TENM3: variants seen among roughly 807,000 people sequenced by gnomAD.
TENM3 encodes teneurin-3.
In TENM3, 63 loss-of-function variants were observed where a neutral mutation model predicts 255.1. The observed-to-expected ratio is 0.25, with a 90% CI of 0.20 to 0.30. The LOEUF is 0.30. Among genes scored for constraint, TENM3 ranks in the 10% least tolerant of loss-of-function variants. The pLI is 1.00. For missense variants in TENM3, 2,929 were observed against 3,461.1 expected (o/e 0.85, Z 3.86); for synonymous variants, 1,306 against 1,322.3 (o/e 0.99, Z 0.27).
chr4:182,250,054 C>CTTTTTTTTTTTTTTTTTT (rs957483629), intron 1 of TENM3, among the ~76,000 whole-genome samples: 19 of 128,402 alleles, frequency 1.5e-4, no homozygotes, highest in Non-Finnish European at 2.5e-4. Flanking sequence ...TTTCTTTTTT[C>CTTTTTTTTTTTTTTTTTT]TTTTTTTTTT....
the TENM3 span, among the ~76,000 whole-genome samples, chr4:181,472,122 T>C: frequency 6.6e-6 from 1 of 152,148 alleles, no homozygotes; most frequent in African/African-American, 2.4e-5. Flanking sequence ...TGCCATATTT[T>C]GGGGTGTCAT....
chr4:182,048,337 A>G, the TENM3 span, among the ~76,000 whole-genome samples: 2 of 152,188 alleles, frequency 1.3e-5, no homozygotes, highest in Non-Finnish European at 2.9e-5. Context: ...ATAGATTACT[A>G]TCTACTTCCA....
At chr4:182,161,771 ATATATATATACACAAATATATG>A (rs1416261974) in intron 1 of TENM3, among the ~76,000 whole-genome samples, 1 of 3,138 alleles carries the variant, frequency 3.2e-4, no homozygotes, top group African/African-American at 1.4e-3. Flanking sequence ...ATATATGTGT[ATATATATATACACAAATATATG>A]TATATATATA....
At position 182,731,109 on chromosome 4, in the gene TENM3, T is replaced by A; in HGVS notation, c.2937T>A (p.Pro979=). Residue 979 remains proline (P), a synonymous_variant, in exon 16 of 28, where the codon CCT becomes CCA. Transcript: ENST00000511685. ...TATCCACCTTTTTCAGATCTTCTCCTGAAGACAGTCCCATCATTCCCGAAA... is the reference window on the plus strand; with the variant it reads ...TATCCACCTTTTTCAGATCTTCTCCAGAAGACAGTCCCATCATTCCCGAAA... The part of the protein sequence containing the change: ...SPLSTFFRSS[P]EDSPIIPETQ... The A allele has an allele frequency of 6.2e-7, 1 of 1,613,922 alleles. No homozygotes were observed.
chr4:181,669,521 T>C, the TENM3 span, among the ~76,000 whole-genome samples: 5 of 152,162 alleles, frequency 3.3e-5, no homozygotes, highest in Non-Finnish European at 7.3e-5. Flanking sequence ...CTAGATATAA[T>C]GGAGAAGCTG....
chr4:182,480,136 A>T (rs1734053449), intron 3 of TENM3, among the ~76,000 whole-genome samples: 1 of 152,008 alleles, frequency 6.6e-6, no homozygotes, highest in African/African-American at 2.4e-5. Flanking sequence ...TAGAATTTTA[A>T]AAGTGGTTTT....
chr4:182,644,585 TCTCTCA>T (rs971606126), intron 5 of TENM3, among the ~76,000 whole-genome samples: 4 of 152,148 alleles, frequency 2.6e-5, no homozygotes, highest in Non-Finnish European at 4.4e-5. Flanking sequence ...TGCTGTAATT[TCTCTCA>T]CTTTAATGGT....
chr4:182,662,868 C>T (rs1754345628), intron 6 of TENM3, among the ~76,000 whole-genome samples: 1 of 152,216 alleles, frequency 6.6e-6, no homozygotes, highest in South Asian at 2.1e-4. Flanking sequence ...GGAATGAACA[C>T]ACTTGACTTG....
intron 3 of TENM3, among the ~76,000 whole-genome samples, chr4:182,581,308 C>A (rs1311862835): frequency 1.3e-5 from 2 of 152,108 alleles, no homozygotes; most frequent in Admixed American, 1.3e-4. Flanking sequence ...TCTTTATAAA[C>A]CAGAAGTCCA....
At chr4:181,762,999 ATGAT>A in the TENM3 span, among the ~76,000 whole-genome samples, 1 of 152,222 alleles carries the variant, frequency 6.6e-6, no homozygotes, top group Non-Finnish European at 1.5e-5. Context: ...ATGGAAAAAT[ATGAT>A]TGAAACCTTG....
At chr4:181,684,057 TC>T in the TENM3 span, among the ~76,000 whole-genome samples, 2 of 152,194 alleles carry the variant, frequency 1.3e-5, no homozygotes, top group Non-Finnish European at 2.9e-5. Flanking sequence ...GGCTCTGGGA[TC>T]ACTTGAGGCA....
chr4:182,253,631 G>T (rs191214062), intron 1 of TENM3, among the ~76,000 whole-genome samples: 1 of 152,214 alleles, frequency 6.6e-6, no homozygotes, highest in East Asian at 1.9e-4. Flanking sequence ...GCTTCTCCTT[G>T]TAATATTTGT....
chr4:182,610,855 C>A (rs545618004), intron 4 of TENM3, among the ~76,000 whole-genome samples: 4 of 151,570 alleles, frequency 2.6e-5, no homozygotes, highest in African/African-American at 9.7e-5. Flanking sequence ...GCAATCCTCC[C>A]GCCTCAGCCT....
At chr4:182,337,865 C>T (rs1253378455) in intron 2 of TENM3, among the ~76,000 whole-genome samples, 1 of 152,104 alleles carries the variant, frequency 6.6e-6, no homozygotes, top group Non-Finnish European at 1.5e-5. Flanking sequence ...ATCCACTGAG[C>T]AAAAGGATCC....
At chr4:182,040,357 T>G in the TENM3 span, among the ~76,000 whole-genome samples, 1 of 152,108 alleles carries the variant, frequency 6.6e-6, no homozygotes, top group Non-Finnish European at 1.5e-5. Flanking sequence ...TTGAACACAG[T>G]CCGGTTTCCA....
At chr4:181,824,372 A>C in the TENM3 span, among the ~76,000 whole-genome samples, 2 of 151,760 alleles carry the variant, frequency 1.3e-5, no homozygotes, top group Non-Finnish European at 2.9e-5. Flanking sequence ...AATTGTTGGG[A>C]TTATAGGCTT....
intron 1 of TENM3, among the ~76,000 whole-genome samples, chr4:182,273,679 G>A (rs1183064976): frequency 6.6e-6 from 1 of 152,090 alleles, no homozygotes; most frequent in Non-Finnish European, 1.5e-5. Flanking sequence ...GAAAAATCAG[G>A]ACAAAAACAC....
At chr4:181,740,598 G>GA in the TENM3 span, among the ~76,000 whole-genome samples, 1 of 150,596 alleles carries the variant, frequency 6.6e-6, no homozygotes, top group Non-Finnish European at 1.5e-5. Flanking sequence ...AAAACCAAAG[G>GA]AAAAAATACC....
the TENM3 span, among the ~76,000 whole-genome samples, chr4:181,740,545 A>C: frequency 1.3e-5 from 2 of 152,150 alleles, no homozygotes; most frequent in Non-Finnish European, 2.9e-5. Flanking sequence ...AAGAAAGATA[A>C]GTGATACAAC....
Sources: allele counts gnomAD v4.1 joint callset (sites outside exome capture counted in the v4.1 genomes callset), GRCh38; gene constraint gnomAD v4.1.1; transcripts MANE v1.5; gene names NCBI Gene and HGNC (gene_info 2026-07-23, HGNC 2026-07-21).